NXPH2: variants seen among roughly 807,000 people sequenced by gnomAD.
NXPH2 encodes the protein neurexophilin 2.
Under a neutral mutation model 19.8 loss-of-function variants are expected in NXPH2, and 5 were observed. That is an observed-to-expected ratio of 0.25 (90% CI 0.13 to 0.53). The LOEUF (loss-of-function observed/expected upper bound fraction) is 0.53, where lower values mean the gene tolerates loss of function less well. NXPH2 is among the 20% of genes least tolerant of loss of function. The probability of loss-of-function intolerance (pLI) is 0.96; values close to 1 mark genes in which losing one functional copy is unlikely to be tolerated. For missense variants in NXPH2, 289 were observed against 322.8 expected (o/e 0.90, Z 0.80); for synonymous variants, 154 against 127.4 (o/e 1.21, Z -1.41).
At chr2:138,720,177 C>T (rs1681255271) in intron 1 of NXPH2, among the ~76,000 whole-genome samples, 1 of 150,458 alleles carries the variant, frequency 6.6e-6, no homozygotes, top group Non-Finnish European at 1.5e-5. Context: ...ATGGTTAGAT[C>T]AGCAGAGGTC....
intron 1 of NXPH2, among the ~76,000 whole-genome samples, chr2:138,736,293 T>A (rs954387449): frequency 4.6e-5 from 7 of 152,224 alleles, no homozygotes; most frequent in African/African-American, 1.7e-4. Flanking sequence ...TGCCTGGGCA[T>A]CCAAGCATTT....
At position 138,675,941 on chromosome 2, in the gene NXPH2, A is replaced by G. The variant is rs529496235; in HGVS notation, c.52-4276T>C. Among the ~76,000 whole-genome samples the G allele has an allele frequency of 3.2e-4, 27 of 85,024 alleles. No homozygotes were observed. In the South Asian group the frequency reaches 0.014, roughly 44 times the overall value. The allele number at this position is 85,024 out of a possible 152,430, so 55.8% of individuals were successfully genotyped here. ...ACTGGCAGTACCTTAGGTAAAAAGT[A>G]CATATATATACATATGTGTGTGTGT... On this transcript the variant is annotated intron_variant, in intron 1 of 1. Transcript: ENST00000272641.
At chr2:138,721,202 G>A (rs955970076) in intron 1 of NXPH2, among the ~76,000 whole-genome samples, 3 of 151,994 alleles carry the variant, frequency 2.0e-5, no homozygotes, top group Non-Finnish European at 2.9e-5. Flanking sequence ...TTAGCCAGAC[G>A]TGGTGGTCTG....
intron 1 of NXPH2, among the ~76,000 whole-genome samples, chr2:138,769,645 A>G (rs1682145550): frequency 6.6e-6 from 1 of 152,136 alleles, no homozygotes; most frequent in Non-Finnish European, 1.5e-5. Context: ...TGTGCACCCA[A>G]TTCCCACCAC....
chr2:138,710,660 A>C (rs1390363886), intron 1 of NXPH2, among the ~76,000 whole-genome samples: 2 of 152,094 alleles, frequency 1.3e-5, no homozygotes, highest in African/African-American at 2.4e-5. Flanking sequence ...CTATGAGATA[A>C]ATTTTACTAT....
At chr2:138,775,459 A>G (rs1259525245) in intron 1 of NXPH2, among the ~76,000 whole-genome samples, 1 of 152,140 alleles carries the variant, frequency 6.6e-6, no homozygotes, top group African/African-American at 2.4e-5. Flanking sequence ...GTTGTCATCA[A>G]TACCATTAAT....
intron 1 of NXPH2, among the ~76,000 whole-genome samples, chr2:138,688,637 G>C (rs1042768670): frequency 2.6e-5 from 4 of 152,130 alleles, no homozygotes; most frequent in African/African-American, 9.7e-5. Flanking sequence ...CATTATATAT[G>C]AGTTCAGATG....
At chr2:138,700,175 C>A (rs891781836) in intron 1 of NXPH2, among the ~76,000 whole-genome samples, 6 of 152,214 alleles carry the variant, frequency 3.9e-5, no homozygotes, top group Non-Finnish European at 7.3e-5. Context: ...GTCCCCAAAT[C>A]CCTTTATTAT....
At chr2:138,772,720 T>G (rs1285708805) in intron 1 of NXPH2, among the ~76,000 whole-genome samples, 3 of 152,204 alleles carry the variant, frequency 2.0e-5, no homozygotes, top group African/African-American at 7.2e-5. Context: ...TCTAGCTCAG[T>G]GGTCACTGAG....
rs116394439 is a variant in NXPH2, at chr2:138,714,206, G to A, written c.52-42541C>T. ...CTTCTCTCTTGCTGTAGGTATGTGC[G>A]TACATAGGGGCAGAGGGCATGCTAA... On this transcript the variant is annotated intron_variant, in intron 1 of 1. Transcript: ENST00000272641. 7.7e-3 allele frequency among the ~76,000 whole-genome samples: 1,167 copies of A among 152,140 alleles called. 16 individuals carry two copies. Among genetic ancestry groups the A allele is most frequent in the African/African-American group, 0.026 (1,093 of 41,496 alleles).
chr2:138,770,495 A>T (rs1239903047), intron 1 of NXPH2, among the ~76,000 whole-genome samples: 1 of 152,120 alleles, frequency 6.6e-6, no homozygotes, highest in Non-Finnish European at 1.5e-5. Flanking sequence ...AGGAGAGTAA[A>T]TTTTAATATG....
chr2:138,738,236 T>C (rs1458935686), intron 1 of NXPH2, among the ~76,000 whole-genome samples: 1 of 152,186 alleles, frequency 6.6e-6, no homozygotes, highest in East Asian at 1.9e-4. Flanking sequence ...TATATCTGAC[T>C]TTATTACTTT....
intron 1 of NXPH2, among the ~76,000 whole-genome samples, chr2:138,689,350 G>A (rs538481975): frequency 6.6e-6 from 1 of 152,218 alleles, no homozygotes; most frequent in Non-Finnish European, 1.5e-5. Flanking sequence ...GAGTGGTTGG[G>A]TTTGGTGGAG....
chr2:138,682,508 A>G (rs1337321327), intron 1 of NXPH2, among the ~76,000 whole-genome samples: 1 of 152,200 alleles, frequency 6.6e-6, no homozygotes, highest in Non-Finnish European at 1.5e-5. Context: ...ACCTATTAAT[A>G]TTTTGTGGCA....
chr2:138,709,815 A>G (rs1194879706), intron 1 of NXPH2, among the ~76,000 whole-genome samples: 1 of 152,224 alleles, frequency 6.6e-6, no homozygotes, highest in Non-Finnish European at 1.5e-5. Flanking sequence ...TTGTACATTT[A>G]AAGTTTCTCC....
At chr2:138,677,559 T>C (rs183650789) in intron 1 of NXPH2, among the ~76,000 whole-genome samples, 1 of 152,244 alleles carries the variant, frequency 6.6e-6, no homozygotes, top group Non-Finnish European at 1.5e-5. Flanking sequence ...TGTATTTCAT[T>C]TTGGTTCTTT....
At chr2:138,763,011 C>T (rs72873915) in intron 1 of NXPH2, among the ~76,000 whole-genome samples, 2,108 of 152,240 alleles carry the variant, frequency 0.014, 26 homozygotes, top group Non-Finnish European at 0.02. Context: ...GTGATGACTG[C>T]TAAAATCATA....
intron 1 of NXPH2, among the ~76,000 whole-genome samples, chr2:138,741,622 T>C (rs532491169): frequency 6.6e-6 from 1 of 152,294 alleles, no homozygotes; most frequent in Non-Finnish European, 1.5e-5. Context: ...TGAAATAACC[T>C]AAAGGCAAAT....
chr2:138,734,005 G>A (rs1034581458), intron 1 of NXPH2, among the ~76,000 whole-genome samples: 3 of 152,210 alleles, frequency 2.0e-5, no homozygotes, highest in African/African-American at 4.8e-5. Flanking sequence ...AGCACTTTGG[G>A]AGGCCAAGGC....
Sources: gnomAD v4.1 joint callset for allele counts (sites outside exome capture counted in the v4.1 genomes callset) on GRCh38, gnomAD v4.1.1 for gene constraint, MANE v1.5 for transcripts, NCBI Gene and HGNC (gene_info 2026-07-23, HGNC 2026-07-21) for gene names.